OSBPL5: variants seen among roughly 807,000 people sequenced by gnomAD.
OSBPL5 encodes the protein oxysterol binding protein like 5.
OSBPL5 carries 71 observed loss-of-function variants against 111.2 expected under a neutral mutation model. That is an observed-to-expected ratio of 0.64 (90% CI 0.53 to 0.78). OSBPL5 has a LOEUF of 0.78. Among genes scored for constraint, OSBPL5 ranks in the 30% least tolerant of loss-of-function variants. The pLI, the probability that OSBPL5 is intolerant of heterozygous loss-of-function variation, is 0.00. For synonymous variants in OSBPL5, 549 were observed against 513.9 expected (o/e 1.07, Z -0.93); for missense variants, 1,210 against 1,189.3 (o/e 1.02, Z -0.26).
At chr11:3,119,933 C>T (rs984321493) in intron 6 of OSBPL5, 9 of 455,446 alleles carry the variant, frequency 2.0e-5, no homozygotes, top group Middle Eastern at 5.7e-4. Flanking sequence ...CAATGATGTT[C>T]GAATCCCAGA....
chr11:3,109,320 T>A lies in OSBPL5; in HGVS notation c.692-1375A>T, dbSNP rs907069965. On this transcript the variant is annotated intron_variant, in intron 7 of 21. Transcript: ENST00000263650. This position sits in a 1 kb window ranked among gnomAD's most constrained non-coding sequence, Gnocchi z 7.4. ...GTCTCAACCTCTGGGCCTCAAGTGATCTGCGTCGGCCTCCCAAAGTGCTGG... is the reference window on the plus strand; with the variant it reads ...GTCTCAACCTCTGGGCCTCAAGTGAACTGCGTCGGCCTCCCAAAGTGCTGG... Among the ~76,000 whole-genome samples, 1 of 148,572 alleles carries A rather than the reference T, an allele frequency of 6.7e-6. No individual in the cohort carries two copies. Among genetic ancestry groups the A allele is most frequent in the African/African-American group, 2.5e-5 (1 of 40,026 alleles).
intron 15 of OSBPL5, 152 bp downstream of exon 15, chr11:3,094,085 G>GC (rs1857161398): frequency 1.2e-6 from 1 of 804,358 alleles, no homozygotes. Context: ...CCTTCTCTGG[G>GC]CCCTGTCTGT....
chr11:3,163,530 G>T (rs562446653), intron 1 of OSBPL5, among the ~76,000 whole-genome samples: 2 of 105,828 alleles, frequency 1.9e-5, no homozygotes, highest in African/African-American at 5.4e-5. Context: ...GGGGTTGGGT[G>T]GGGGGGGCGG....
rs199808123 is a variant in OSBPL5, at chr11:3,103,838, C to G, written c.1244+355G>C. Among the ~76,000 whole-genome samples the G allele has an allele frequency of 5.2e-3, 447 of 86,390 alleles. 9 individuals are homozygous for G. The highest frequency in any genetic ancestry group is 0.015 in the African/African-American group (383 of 25,106). 56.7% of individuals were successfully genotyped at this position (86,390 alleles called of 152,430 possible). On this transcript the variant is annotated intron_variant, in intron 10 of 21. Transcript: ENST00000263650. ...TGCCTGCGCAGCCCCCTTCCAGCCT[C>G]TGCAGCCCCTTTCCAGTCTGCGCAG...
intron 7 of OSBPL5, among the ~76,000 whole-genome samples, chr11:3,111,720 G>A (rs1857942352): frequency 6.8e-6 from 1 of 146,652 alleles, no homozygotes; most frequent in Admixed American, 6.7e-5. Flanking sequence ...GAGAAAAACG[G>A]CCAGCAAAAG....
At chr11:3,111,396 G>A (rs1292938344) in intron 7 of OSBPL5, among the ~76,000 whole-genome samples, 1 of 151,428 alleles carries the variant, frequency 6.6e-6, no homozygotes, top group Non-Finnish European at 1.5e-5. Context: ...TGAGTTTTCA[G>A]CCTGAGACCC....
rs375568372 is a variant in OSBPL5, at chr11:3,095,949, G to A, written c.1622-1615C>T. On this transcript the variant is annotated intron_variant, in intron 14 of 21. Transcript: ENST00000263650. The stretch of plus-strand genomic sequence containing the variant: ...GAAAGACACAAAACCCCCATTAAGC[G>A]TCGTGTTGAAAAAAACTGTGCTGAA... Among the ~76,000 whole-genome samples, 200 of 152,138 alleles carry A rather than the reference G, an allele frequency of 1.3e-3. 1 individual carries two copies. Among genetic ancestry groups the A allele is most frequent in the Middle Eastern group, 0.01 (3 of 294 alleles).
intron 1 of OSBPL5, among the ~76,000 whole-genome samples, chr11:3,143,406 G>A (rs1039731567): frequency 2.0e-5 from 3 of 152,194 alleles, no homozygotes; most frequent in South Asian, 2.1e-4. Context: ...GCGCACGCAC[G>A]CTCCCAGCAG....
At chr11:3,094,441 G>T in intron 14 of OSBPL5, 107 bp from the exon 15 acceptor site, 1 of 821,776 alleles carries the variant, frequency 1.2e-6, no homozygotes, top group Non-Finnish European at 2.0e-6. Flanking sequence ...CGACCCAGCA[G>T]CACCGATCCC....
At position 3,104,370 on chromosome 11, in the gene OSBPL5, T is replaced by A; in HGVS notation, c.1067A>T (p.Glu356Val). The change falls in exon 10 of 22, where the codon GAG (glutamate) becomes GTG (valine). Residue 356 changes from glutamate to valine, a missense_variant. Physicochemically the swap from Glu to Val is moderately radical, Grantham distance 121. Coordinates refer to ENST00000263650, the MANE Select transcript of OSBPL5 (RefSeq NM_020896.4). This position sits in a 1 kb window ranked among gnomAD's most constrained non-coding sequence, Gnocchi z 5.0. ...QVQEELGELG[E>V]ASQVETVSEE... The stretch of plus-strand genomic sequence containing the variant: ...TGACACTGTCTCCACCTGGGACGCC[T>A]CGCCCAGCTGCAGCAGACAGGCTGC... 1 of 1,609,402 alleles carries A rather than the reference T, an allele frequency of 6.2e-7. No individual in the cohort carries two copies. Among genetic ancestry groups the A allele is most frequent in the East Asian group, 2.2e-5 (1 of 44,836 alleles).
chr11:3,144,554 C>T (rs1846270905), intron 1 of OSBPL5, among the ~76,000 whole-genome samples: 1 of 152,220 alleles, frequency 6.6e-6, no homozygotes, highest in South Asian at 2.1e-4. Context: ...GGCCTGACCC[C>T]GTTCCACCGA....
chr11:3,160,841 C>T (rs1201296348), intron 1 of OSBPL5: 3 of 152,190 alleles, frequency 2.0e-5, no homozygotes, highest in Non-Finnish European at 2.9e-5. Context: ...AAGGCACGGG[C>T]GACAGAGCTC....
intron 1 of OSBPL5, among the ~76,000 whole-genome samples, chr11:3,144,602 C>G (rs1175736474): frequency 2.0e-5 from 3 of 152,248 alleles, no homozygotes; most frequent in Non-Finnish European, 2.9e-5. Flanking sequence ...ATTCCACCAC[C>G]TGTGACTGGC....
At chr11:3,134,209 G>A (rs1419885810) in intron 1 of OSBPL5, among the ~76,000 whole-genome samples, 1 of 152,288 alleles carries the variant, frequency 6.6e-6, no homozygotes, top group Middle Eastern at 3.4e-3. Flanking sequence ...ATGCTGGGTC[G>A]CCTCGTGGGC....
At chr11:3,134,243 A>G (rs1194856317) in intron 1 of OSBPL5, among the ~76,000 whole-genome samples, 1 of 152,198 alleles carries the variant, frequency 6.6e-6, no homozygotes, top group Non-Finnish European at 1.5e-5. Context: ...CAGACAGGAC[A>G]GGAAGGGCCT....
intron 13 of OSBPL5, among the ~76,000 whole-genome samples, chr11:3,100,872 C>T (rs965604969): frequency 5.9e-5 from 9 of 152,118 alleles, no homozygotes; most frequent in Non-Finnish European, 1.3e-4. Context: ...ATGGGGCTGT[C>T]TCTGAAGACC....
In OSBPL5 at chr11:3,089,977, G is replaced by A. The variant is rs1368310528; in HGVS notation, c.2399-29C>T. ...GGACGGCCCCGAGTGAGACAAAGGAGGGGAGGGGAGGAGTGAGGATGAGCT... is the reference window on the plus strand; with the variant it reads ...GGACGGCCCCGAGTGAGACAAAGGAAGGGAGGGGAGGAGTGAGGATGAGCT... On this transcript the variant is annotated intron_variant, in intron 20 of 21. Coordinates refer to ENST00000263650, the MANE Select transcript of OSBPL5 (RefSeq NM_020896.4). 8.8e-6 allele frequency: 13 copies of A among 1,482,374 alleles called. No individual in the cohort carries two copies. In the East Asian group the frequency reaches 3.0e-4, roughly 34 times the overall value. 91.8% of individuals were successfully genotyped at this position (1,482,374 alleles called of 1,614,324 possible). A position where few individuals can be genotyped will look rare whatever the true frequency, so the allele number is the denominator to read the frequency against.
Position 3,106,280 on chromosome 11 carries a change from T to C in OSBPL5, c.1059+983A>G, listed in dbSNP as rs1857690371. On this transcript the variant is annotated intron_variant, in intron 9 of 21. Transcript: ENST00000263650. This position sits in a 1 kb window ranked among gnomAD's most constrained non-coding sequence, Gnocchi z 8.4. ...ACAACAGCAAGGAACGAATTCCCCT[T>C]TCCTGCTGAAACCGGGACTGCCCCT... Among the ~76,000 whole-genome samples the C allele has an allele frequency of 6.6e-6, 1 of 152,134 alleles. No homozygotes were observed.
chr11:3,117,449 A>G (rs927905971), intron 7 of OSBPL5, among the ~76,000 whole-genome samples: 1 of 152,254 alleles, frequency 6.6e-6, no homozygotes, highest in Non-Finnish European at 1.5e-5. Context: ...TTTCTATGGA[A>G]CAAAGTTCCA....
Sources: gnomAD v4.1 joint callset for allele counts (sites outside exome capture counted in the v4.1 genomes callset) on GRCh38, gnomAD v4.1.1 for gene constraint, Gnocchi (gnomAD v3.1) non-coding constraint, MANE v1.5 for transcripts, NCBI Gene and HGNC (gene_info 2026-07-23, HGNC 2026-07-21) for gene names.